NFATC2: variants seen among roughly 807,000 people sequenced by gnomAD.
The protein encoded by NFATC2 is nuclear factor of activated T-cells, cytoplasmic 2.
A neutral mutation model predicts 87.3 loss-of-function variants in NFATC2; 22 were observed. The observed-to-expected ratio is 0.25, with a 90% CI of 0.18 to 0.36. NFATC2 has a LOEUF of 0.36. Among genes scored for constraint, NFATC2 ranks in the 10% least tolerant of loss-of-function variants. The pLI is 1.00. For synonymous variants in NFATC2, 565 were observed against 542.2 expected, an observed-to-expected ratio of 1.04 and a Z score of -0.58; for missense variants, 1,149 against 1,259.1, an observed-to-expected ratio of 0.91 and a Z score of 1.32.
In NFATC2 at chr20:51,432,474, G is replaced by A. The variant is rs1361351620; in HGVS notation, c.2315C>T (p.Ala772Val). Residue 772 changes from alanine to valine, a missense_variant, in exon 9 of 11, where the codon GCC (alanine) becomes GTC (valine). This residue lies in a region of NFATC2 where 581 missense variants were observed against 649.7 expected (regional missense o/e 0.89). Coordinates refer to ENST00000371564, the MANE Select transcript of NFATC2 (RefSeq NM_012340.5). The surrounding 1 kb of genome is among the most constrained non-coding windows in gnomAD (Gnocchi z 4.6). ...AGCGTCCGCAAGGGACAGCGGGGCGGCCATGAGGGCCGGCTGCTGATAGCC... is the reference window on the plus strand; with the variant it reads ...AGCGTCCGCAAGGGACAGCGGGGCGACCATGAGGGCCGGCTGCTGATAGCC... Reference protein sequence around the residue: ...LLGYQQPALMAAPLSLADAHR... With the variant: ...LLGYQQPALMVAPLSLADAHR... The A allele has an allele frequency of 6.4e-7, 1 of 1,554,272 alleles. No individual in the cohort carries two copies.
chr20:51,537,851 G>A (rs2076745414), intron 1 of NFATC2, among the ~76,000 whole-genome samples: 1 of 152,200 alleles, frequency 6.6e-6, no homozygotes, highest in Non-Finnish European at 1.5e-5. Context: ...AAAATTAAGA[G>A]TCTTCTTTGC....
chr20:51,416,564 T>G (rs1600689249), intron 9 of NFATC2, among the ~76,000 whole-genome samples: 1 of 152,196 alleles, frequency 6.6e-6, no homozygotes, highest in East Asian at 1.9e-4. Flanking sequence ...TGAGAAGATA[T>G]TAAAGGAGGG....
At chr20:51,463,858 G>A (rs903880838) in intron 5 of NFATC2, among the ~76,000 whole-genome samples, 2 of 152,188 alleles carry the variant, frequency 1.3e-5, no homozygotes, top group East Asian at 3.8e-4. Context: ...GTGCATCTGT[G>A]GGTACATCGT....
intron 1 of NFATC2, among the ~76,000 whole-genome samples, chr20:51,555,300 A>C (rs2076967933): frequency 6.6e-6 from 1 of 152,144 alleles, no homozygotes; most frequent in Admixed American, 6.5e-5. Context: ...ACTCCTTACA[A>C]GATCCTATGT....
chr20:51,492,698 G>C (rs116319849), intron 3 of NFATC2, among the ~76,000 whole-genome samples: 2 of 152,226 alleles, frequency 1.3e-5, no homozygotes, highest in African/African-American at 2.4e-5. Flanking sequence ...TGGGGAGCAG[G>C]AGGCGGCCGG....
At chr20:51,438,195 G>T (rs1024747835) in intron 6 of NFATC2, among the ~76,000 whole-genome samples, 1 of 152,154 alleles carries the variant, frequency 6.6e-6, no homozygotes, top group African/African-American at 2.4e-5. Flanking sequence ...CCCTTTTCAG[G>T]TAGAGGTCAC....
rs115572676 is a variant in NFATC2, at chr20:51,482,785, G to A, written c.1333-7125C>T. 5.5e-3 allele frequency among the ~76,000 whole-genome samples: 839 copies of A among 152,256 alleles called. 6 individuals are homozygous for A. The highest frequency in any genetic ancestry group is 0.018 in the African/African-American group (751 of 41,526). Reference sequence around the variant, plus strand: ...TATCCCCCTAACTGAAGTTATCTACGCTTTCAGACTTTTCTTCCAGGCACA... The same window carrying A: ...TATCCCCCTAACTGAAGTTATCTACACTTTCAGACTTTTCTTCCAGGCACA... On this transcript the variant is annotated intron_variant, in intron 3 of 10. Transcript: ENST00000371564.
intron 9 of NFATC2, among the ~76,000 whole-genome samples, chr20:51,400,674 C>A (rs1426048626): frequency 1.3e-5 from 2 of 152,112 alleles, no homozygotes; most frequent in African/African-American, 4.8e-5. Context: ...CAACTGAGGC[C>A]CGAAATCAAC....
In NFATC2 at chr20:51,523,260, AG is replaced by A; in HGVS notation, c.980del (p.Pro327LeufsTer64). On this transcript the variant is annotated frameshift_variant, in exon 2 of 11. Coordinates refer to ENST00000371564, the MANE Select transcript of NFATC2 (RefSeq NM_012340.5). LOFTEE classifies it high-confidence loss of function. This position sits in a 1 kb window ranked among gnomAD's most constrained non-coding sequence, Gnocchi z 6.9. ...GIPPKMWKTSPDPSPVSAAPS... is the reference protein window; with the variant it reads ...GIPPKMWKTSXDPSPVSAAPS... ...GGGCGGCAGACACCGGCGAGGGGTC[AG>A]GGCTGGTCTTCCACATCTTGGGGGG... The A allele has an allele frequency of 6.2e-7, 1 of 1,613,672 alleles. No individual in the cohort carries two copies. The highest frequency in any genetic ancestry group is 1.3e-5 in the African/African-American group (1 of 75,006).
At chr20:51,487,379 A>G (rs1253493690) in intron 3 of NFATC2, among the ~76,000 whole-genome samples, 3 of 152,228 alleles carry the variant, frequency 2.0e-5, no homozygotes, top group Non-Finnish European at 4.4e-5. Flanking sequence ...GAGCTAATGC[A>G]TGCAGGGCTT....
Position 51,562,465 on chromosome 20 carries a change from T to G in NFATC2, c.70+95A>C. On this transcript the variant is annotated intron_variant, in intron 1 of 10. Transcript: ENST00000414705. The surrounding 1 kb of genome is among the most constrained non-coding windows in gnomAD (Gnocchi z 5.8). ...TCCCCAGGCCTCCCGCACCGACCTC[T>G]GCCGGGAGCTGAAAGTGCTGCCCGG... 1 of 1,172,110 alleles carries G rather than the reference T, an allele frequency of 8.5e-7. No individual in the cohort carries two copies. The highest frequency in any genetic ancestry group is 1.2e-6 in the Non-Finnish European group (1 of 818,970). 72.6% of individuals were successfully genotyped at this position (1,172,110 alleles called of 1,614,324 possible).
At chr20:51,492,601 G>T (rs957429931) in intron 3 of NFATC2, among the ~76,000 whole-genome samples, 1 of 152,214 alleles carries the variant, frequency 6.6e-6, no homozygotes, top group Admixed American at 6.5e-5. Flanking sequence ...GGGACTGTGC[G>T]GGGCCCTCTG....
chr20:51,531,206 TTAGAGCCCCAGCATGG>T (rs2076627739), intron 1 of NFATC2, among the ~76,000 whole-genome samples: 1 of 152,200 alleles, frequency 6.6e-6, no homozygotes, highest in Non-Finnish European at 1.5e-5. Flanking sequence ...GCTCCTGGCT[TTAGAGCCCCAGCATGG>T]CACAGGAGGC....
intron 3 of NFATC2, among the ~76,000 whole-genome samples, chr20:51,500,410 C>T (rs2076058453): frequency 6.6e-6 from 1 of 152,034 alleles, no homozygotes; most frequent in Non-Finnish European, 1.5e-5. Flanking sequence ...AGTTGGAACT[C>T]CCACCTCAAA....
chr20:51,407,117 C>T (rs1471904817), intron 9 of NFATC2, among the ~76,000 whole-genome samples: 1 of 152,220 alleles, frequency 6.6e-6, no homozygotes, highest in Non-Finnish European at 1.5e-5. Flanking sequence ...CCTGCTCTTG[C>T]CTTAGACACC....
chr20:51,471,183 G>A (rs1286267483), intron 5 of NFATC2, among the ~76,000 whole-genome samples: 1 of 152,146 alleles, frequency 6.6e-6, no homozygotes, highest in Non-Finnish European at 1.5e-5. Flanking sequence ...GTCTTAGATC[G>A]ACATAAGATA....
At position 51,462,134 on chromosome 20, in the gene NFATC2, T is replaced by G. The variant is rs563118475; in HGVS notation, c.1709-7446A>C. ...CTCTGTTTCAACAATAAAAATAAAT[T>G]TAAATTTAAGAAATAACAGGCCGGG... On this transcript the variant is annotated intron_variant, in intron 5 of 10. Coordinates refer to ENST00000371564, the MANE Select transcript of NFATC2 (RefSeq NM_012340.5). Among the ~76,000 whole-genome samples the G allele has an allele frequency of 1.9e-3, 282 of 148,106 alleles. 1 individual carries two copies. Among genetic ancestry groups the G allele is most frequent in the Admixed American group, 4.7e-3 (69 of 14,630 alleles).
intron 3 of NFATC2, among the ~76,000 whole-genome samples, chr20:51,491,020 C>G (rs2075873438): frequency 1.3e-5 from 2 of 152,266 alleles, no homozygotes; most frequent in African/African-American, 4.8e-5. Context: ...TGCCCAGACA[C>G]AAGAGGTGCT....
intron 6 of NFATC2, among the ~76,000 whole-genome samples, chr20:51,441,393 T>C (rs951033071): frequency 2.6e-5 from 4 of 152,022 alleles, no homozygotes; most frequent in African/African-American, 9.7e-5. Flanking sequence ...GTGGCAGCTC[T>C]CTGTGCCTCA....
Sources: gnomAD v4.1 joint callset for allele counts (sites outside exome capture counted in the v4.1 genomes callset) on GRCh38, gnomAD v4.1.1 for gene constraint, gnomAD v4.1.1 regional missense constraint, Gnocchi (gnomAD v3.1) non-coding constraint, MANE v1.5 for transcripts, NCBI Gene and HGNC (gene_info 2026-07-23, HGNC 2026-07-21) for gene names.